NTRK2: variants seen among roughly 807,000 people sequenced by gnomAD.
NTRK2 encodes the protein neurotrophic receptor tyrosine kinase 2.
A neutral mutation model predicts 94.5 loss-of-function variants in NTRK2; 13 were observed. That is an observed-to-expected ratio of 0.14 (90% confidence interval 0.09 to 0.22). NTRK2 has a LOEUF of 0.22. NTRK2 is among the 10% of genes least tolerant of loss of function. The pLI is 1.00. For synonymous variants in NTRK2, 372 were observed against 407.4 expected (o/e 0.91, Z 1.05); for missense variants, 639 against 1,071.2 (o/e 0.60, Z 5.63).
At chr9:84,690,548 CA>C (rs111344866) in intron 2 of NTRK2, among the ~76,000 whole-genome samples, 26 of 149,504 alleles carry the variant, frequency 1.7e-4, no homozygotes, top group African/African-American at 5.9e-4. Flanking sequence ...TAATTTATTA[CA>C]AAAAAAAACA....
chr9:84,735,488 C>G (rs2132210060), intron 9 of NTRK2, among the ~76,000 whole-genome samples: 1 of 152,310 alleles, frequency 6.6e-6, no homozygotes, highest in South Asian at 2.1e-4. Flanking sequence ...AAGAACTGGT[C>G]AGGCATCCAT....
At chr9:84,819,615 T>C (rs2072654048) in intron 12 of NTRK2, among the ~76,000 whole-genome samples, 1 of 152,176 alleles carries the variant, frequency 6.6e-6, no homozygotes, top group Non-Finnish European at 1.5e-5. Flanking sequence ...GTCTGACCCA[T>C]GGGGTGCACT....
chr9:84,780,495 C>T (rs536020806), intron 12 of NTRK2, among the ~76,000 whole-genome samples: 6 of 152,250 alleles, frequency 3.9e-5, no homozygotes, highest in South Asian at 2.1e-4. Context: ...GGATCTTGCC[C>T]GGTTCAGCTT....
intron 10 of NTRK2, among the ~76,000 whole-genome samples, chr9:84,742,157 T>C (rs2063697225): frequency 6.6e-6 from 1 of 152,220 alleles, no homozygotes; most frequent in Non-Finnish European, 1.5e-5. Context: ...TTGGAAGTAG[T>C]GAATCCATTC....
At chr9:84,709,303 C>G (rs564506985) in intron 5 of NTRK2, among the ~76,000 whole-genome samples, 11 of 152,310 alleles carry the variant, frequency 7.2e-5, no homozygotes, top group Admixed American at 2.6e-4. Flanking sequence ...TGAAGCATTC[C>G]TTTCCTTCTT....
intron 14 of NTRK2, among the ~76,000 whole-genome samples, chr9:84,919,303 T>A (rs1220986624): frequency 6.6e-6 from 1 of 152,230 alleles, no homozygotes; most frequent in African/African-American, 2.4e-5. Context: ...AGGCAAATGC[T>A]TGGCACTGTT....
intron 14 of NTRK2, among the ~76,000 whole-genome samples, chr9:84,909,423 G>T (rs1425924349): frequency 1.3e-5 from 2 of 151,832 alleles, no homozygotes; most frequent in Non-Finnish European, 2.9e-5. Flanking sequence ...CAATCCTCTG[G>T]GATAAGTGCC....
At chr9:84,794,997 C>T (rs1474502626) in intron 12 of NTRK2, among the ~76,000 whole-genome samples, 3 of 152,062 alleles carry the variant, frequency 2.0e-5, no homozygotes, top group Non-Finnish European at 2.9e-5. Context: ...TCTTAATTCC[C>T]CCTGTGCCCT....
rs558675983 is a variant in NTRK2, at chr9:85,025,900, C to G, written c.*4463C>G. On this transcript the variant is annotated 3_prime_UTR_variant, in exon 19 of 19. Coordinates refer to ENST00000277120, the MANE Select transcript of NTRK2 (RefSeq NM_006180.6). ...TTGTACATGAATTTCAAATGTCATTCTAAAGAATGAGGGGTGGGAGGGATT... is the reference window on the plus strand; with the variant it reads ...TTGTACATGAATTTCAAATGTCATTGTAAAGAATGAGGGGTGGGAGGGATT... The G allele has an allele frequency of 1.4e-4, 31 of 228,484 alleles. No homozygotes were observed. Among genetic ancestry groups the G allele is most frequent in the African/African-American group, 6.2e-4 (28 of 45,124 alleles). 14.2% of individuals were successfully genotyped at this position (228,484 alleles called of 1,614,324 possible). A position where few individuals can be genotyped will look rare whatever the true frequency, so the allele number is the denominator to read the frequency against.
chr9:84,855,383 A>G (rs1242753591), intron 12 of NTRK2, among the ~76,000 whole-genome samples: 1 of 152,084 alleles, frequency 6.6e-6, no homozygotes, highest in African/African-American at 2.4e-5. Context: ...GAGGACATAC[A>G]TGTTTATGTC....
intron 4 of NTRK2, among the ~76,000 whole-genome samples, chr9:84,704,330 G>T (rs1196165977): frequency 9.0e-5 from 13 of 144,560 alleles, no homozygotes; most frequent in Non-Finnish European, 1.5e-4. Flanking sequence ...CTGGGTTCAT[G>T]CCATTCTCCT....
intron 17 of NTRK2, among the ~76,000 whole-genome samples, chr9:84,981,240 C>G (rs560780001): frequency 4.9e-5 from 7 of 143,286 alleles, no homozygotes; most frequent in East Asian, 3.9e-4. Flanking sequence ...ACCACCATGC[C>G]CAGCCGGTTT....
At chr9:84,983,999 A>G (rs557706356) in intron 17 of NTRK2, among the ~76,000 whole-genome samples, 2 of 152,322 alleles carry the variant, frequency 1.3e-5, no homozygotes, top group African/African-American at 4.8e-5. Context: ...GAGCTTAGAA[A>G]TGTTGACTCT....
At chr9:84,690,827 A>G (rs925891197) in intron 2 of NTRK2, among the ~76,000 whole-genome samples, 3 of 152,228 alleles carry the variant, frequency 2.0e-5, no homozygotes, top group African/African-American at 7.2e-5. Context: ...AGATGAAACT[A>G]CTTACTAACC....
intron 17 of NTRK2, among the ~76,000 whole-genome samples, chr9:84,959,343 A>ATCACCAATG (rs1824589780): frequency 6.6e-6 from 1 of 152,186 alleles, no homozygotes; most frequent in Non-Finnish European, 1.5e-5. Flanking sequence ...ATGTGGAAGA[A>ATCACCAATG]TGGTGATTGG....
At chr9:84,950,201 G>A (rs2078731713) in intron 16 of NTRK2, among the ~76,000 whole-genome samples, 1 of 152,236 alleles carries the variant, frequency 6.6e-6, no homozygotes, top group Non-Finnish European at 1.5e-5. Flanking sequence ...CAGGAATGAT[G>A]TCAGCTGGTA....
At chr9:84,849,759 C>T (rs748772338) in intron 12 of NTRK2, among the ~76,000 whole-genome samples, 3 of 152,128 alleles carry the variant, frequency 2.0e-5, no homozygotes, top group Non-Finnish European at 4.4e-5. Context: ...ATGGGAGACA[C>T]GACTAATGAA....
At chr9:84,943,022 T>C (rs1322385114) in intron 15 of NTRK2, among the ~76,000 whole-genome samples, 12 of 152,212 alleles carry the variant, frequency 7.9e-5, no homozygotes, top group Admixed American at 7.9e-4. Context: ...CCTCTGTGTT[T>C]TAAACACTAT....
At chr9:84,966,295 G>A (rs764126758) in intron 17 of NTRK2, among the ~76,000 whole-genome samples, 18 of 152,138 alleles carry the variant, frequency 1.2e-4, no homozygotes, top group African/African-American at 2.4e-4. Flanking sequence ...TGTCTTTTGC[G>A]TAATGTTGAT....
Sources: allele counts gnomAD v4.1 joint callset (sites outside exome capture counted in the v4.1 genomes callset), GRCh38; gene constraint gnomAD v4.1.1; transcripts MANE v1.5; gene names NCBI Gene and HGNC (gene_info 2026-07-23, HGNC 2026-07-21).